The following SALL3 variants were observed in gnomAD, a reference collection of about 807,000 sequenced individuals.
SALL3 encodes spalt like transcription factor 3, also known as sal-like protein 3.
A neutral mutation model predicts 66.2 loss-of-function variants in SALL3; 25 were observed. That is an observed-to-expected ratio of 0.38 (90% confidence interval 0.28 to 0.53). The LOEUF is 0.53. SALL3 is among the 20% of genes least tolerant of loss of function. SALL3 has a pLI of 0.85. For missense variants in SALL3, 2,194 were observed against 1,916.5 expected, an observed-to-expected ratio of 1.14 and a Z score of -2.70; for synonymous variants, 1,152 against 899.1, an observed-to-expected ratio of 1.28 and a Z score of -5.03.
chr18:78,984,082 G>T (rs1259165650), intron 1 of SALL3, among the ~76,000 whole-genome samples: 3 of 152,154 alleles, frequency 2.0e-5, no homozygotes, highest in Non-Finnish European at 1.5e-5. Flanking sequence ...GCCAGAAAAA[G>T]GTATGGAGTA....
intron 1 of SALL3, among the ~76,000 whole-genome samples, chr18:78,988,719 A>C (rs998703676): frequency 3.3e-5 from 5 of 152,214 alleles, no homozygotes; most frequent in South Asian, 2.1e-4. Flanking sequence ...TCACATTCAA[A>C]TGTTGATAGT....
In SALL3 at chr18:78,993,699, C is replaced by T. The variant is rs1195542240; in HGVS notation, c.1708C>T (p.Leu570Phe). The T allele has an allele frequency of 1.9e-6, 3 of 1,573,464 alleles. No homozygotes were observed. The highest frequency in any genetic ancestry group is 1.8e-5 in the Admixed American group (1 of 56,224). The change falls in exon 2 of 3, where the codon CTC (leucine) becomes TTC (phenylalanine). Residue 570 changes from leucine to phenylalanine, a missense_variant. By Grantham distance (22) the Leu-to-Phe change is conservative. Transcript: ENST00000537592. ...CGAGTGCGCCTCCTTGTCCCCAGGC[C>T]TCAACCACGTGGAGTCCGGCGTGTC... ...SSECASLSPG[L>F]NHVESGVSAT...
Position 78,994,939 on chromosome 18 carries a change from GC to G in SALL3, c.2949del (p.Lys984SerfsTer37). The stretch of plus-strand genomic sequence containing the variant: ...CCCAGCACTGTGTGTGGTGTCTGTG[GC>G]AAGCCTTTTGCTTGCAAGAGCGCGT... ...KCPSTVCGVC[G>X]KPFACKSALE... is the part of the protein sequence containing the mutation. On this transcript the variant is annotated frameshift_variant, in exon 2 of 3. Transcript: ENST00000537592. LOFTEE classifies it high-confidence loss of function. 2 of 1,613,666 alleles carry G rather than the reference GC, an allele frequency of 1.2e-6. No individual in the cohort carries two copies. Among genetic ancestry groups the G allele is most frequent in the Non-Finnish European group, 1.7e-6 (2 of 1,179,992 alleles).
intron 2 of SALL3, among the ~76,000 whole-genome samples, chr18:78,996,636 G>A (rs892183768): frequency 6.6e-6 from 1 of 152,230 alleles, no homozygotes; most frequent in Non-Finnish European, 1.5e-5. Context: ...CACCTTAGGA[G>A]AAAATTACTC....
rs773984731 is a variant in SALL3, at chr18:78,994,432, C to A, written c.2441C>A (p.Ala814Glu). 2 of 1,612,116 alleles carry A rather than the reference C, an allele frequency of 1.2e-6. No homozygotes were observed. Among genetic ancestry groups the A allele is most frequent in the Non-Finnish European group, 1.7e-6 (2 of 1,179,834 alleles). The change falls in exon 2 of 3, where the codon GCG becomes GAG. Residue 814 changes from alanine (A) to glutamate (E), a missense_variant. Ala to Glu is a moderately radical substitution (Grantham distance 107). Coordinates refer to ENST00000537592, the MANE Select transcript of SALL3 (RefSeq NM_171999.4). ...GAGGACGACGCTGAGCTGAAGGACG[C>A]GGCCACCGACCCGGCCAAGCCACTC... ...SMEDDAELKD[A>E]ATDPAKPLLS... is the part of the protein sequence containing the mutation.
rs1001672231 is a variant in SALL3, at chr18:78,998,365, T to G, written c.*1043T>G. ...TGGGAAAACTGTTACAGTTCCTTGT[T>G]TTGTCTTATGGTCAAACAATATTAG... On this transcript the variant is annotated 3_prime_UTR_variant, in exon 3 of 3. Transcript: ENST00000537592. The G allele has an allele frequency of 1.3e-5, 2 of 152,230 alleles. No individual in the cohort carries two copies. The highest frequency in any genetic ancestry group is 2.9e-5 in the Non-Finnish European group (2 of 68,042). The allele number at this position is 152,230 out of a possible 1,614,324, so 9.4% of individuals were successfully genotyped here.
Position 78,996,891 on chromosome 18 carries a change from G to A in SALL3, c.3472G>A (p.Val1158Met). Residue 1158 changes from valine to methionine, a missense_variant and splice_region_variant, in exon 3 of 3, where the codon GTG (valine) becomes ATG (methionine). Transcript: ENST00000537592. ...TGGGCTGTCTCCGTGTCTCGCGCAG[G>A]TGCACATGGGGACACACATGTGGAA... ...RAFTTKGNLK[V>M]HMGTHMWNNA... The A allele has an allele frequency of 6.2e-7, 1 of 1,604,652 alleles. No homozygotes were observed. Among genetic ancestry groups the A allele is most frequent in the South Asian group, 1.1e-5 (1 of 90,668 alleles).
rs1914545644 is a variant in SALL3 at position 78,993,413 on chromosome 18, C to T, written c.1422C>T (p.Tyr474=). 7.4e-6 allele frequency: 12 copies of T among 1,612,772 alleles called. No homozygotes were observed. Among genetic ancestry groups the T allele is most frequent in the Non-Finnish European group, 1.0e-5 (12 of 1,179,940 alleles). The change falls in exon 2 of 3, where the codon TAC becomes TAT. Residue 474 remains tyrosine, a synonymous_variant. Transcript: ENST00000537592. The stretch of plus-strand genomic sequence containing the variant: ...ACTTCCAGAGGCACAAGGAGAAGTA[C>T]CCCCACATCCAGATGAACCCTTACC... ...KVHFQRHKEK[Y]PHIQMNPYPV...
Position 78,992,337 on chromosome 18 carries a change from G to A in SALL3, c.346G>A (p.Gly116Ser). The A allele has an allele frequency of 1.4e-6, 2 of 1,411,896 alleles. No homozygotes were observed. Among genetic ancestry groups the A allele is most frequent in the Non-Finnish European group, 1.8e-6 (2 of 1,091,492 alleles). 87.5% of individuals were successfully genotyped at this position (1,411,896 alleles called of 1,614,324 possible). A position where few individuals can be genotyped will look rare whatever the true frequency, so the allele number is the denominator to read the frequency against. ...CGAAAGCGAGGCGGCCGAGGAGGCG[G>A]GTGCGGAGGGCGCGGAGGGCGAGGC... is the stretch of plus-strand genomic sequence containing the variant. ...RAESEAAEEAGAEGAEGEARP... is the reference protein window; with the variant it reads ...RAESEAAEEASAEGAEGEARP... Residue 116 changes from glycine (G) to serine (S), a missense_variant, in exon 2 of 3, where the codon GGT becomes AGT. Gly to Ser is a moderately conservative substitution (Grantham distance 56). Coordinates refer to ENST00000537592, the MANE Select transcript of SALL3 (RefSeq NM_171999.4).
intron 1 of SALL3, among the ~76,000 whole-genome samples, chr18:78,986,200 G>A (rs752741290): frequency 3.3e-5 from 5 of 152,162 alleles, no homozygotes; most frequent in Non-Finnish European, 7.3e-5. Context: ...TCTCCTCCCG[G>A]GTGCTTCACT....
chr18:78,991,355 G>A (rs1914426562), intron 1 of SALL3, among the ~76,000 whole-genome samples: 1 of 121,452 alleles, frequency 8.2e-6, no homozygotes, highest in Admixed American at 1.1e-4. Context: ...ATGTAGAAGT[G>A]TACCCTATCT....
In SALL3 at chr18:78,993,644, C is replaced by T. The variant is rs777888154; in HGVS notation, c.1653C>T (p.Arg551=). 3.8e-6 allele frequency: 6 copies of T among 1,588,624 alleles called. No individual in the cohort carries two copies. The South Asian group carries it at 5.6e-5, about 15-fold the overall frequency. The stretch of plus-strand genomic sequence containing the variant: ...CTCCCAGCGCCACCCCAGCCAGCCG[C>T]TCCCCGCAGAGGCCCTCGCCCGCCT... ...ADSPSATPAS[R]SPQRPSPASS... is the part of the protein sequence containing the mutation. Residue 551 remains arginine, a synonymous_variant, in exon 2 of 3, where the codon CGC becomes CGT. Transcript: ENST00000537592.
chr18:78,989,878 G>T (rs957998893), intron 1 of SALL3, among the ~76,000 whole-genome samples: 4 of 152,194 alleles, frequency 2.6e-5, no homozygotes, highest in African/African-American at 7.2e-5. Flanking sequence ...TAATGCAGAT[G>T]AACTTTTTAA....
rs75631933 is a variant in SALL3, at chr18:78,994,848, C to T, written c.2857C>T (p.Arg953Cys). The T allele has an allele frequency of 5.3e-5, 84 of 1,599,220 alleles. 1 individual carries two copies. In the African/African-American group the frequency reaches 9.5e-4, roughly 18 times the overall value. ...CCCGGGCAGCGGAGGCGCCCCTGGC[C>T]GCGCGGGCATCAAGGAGGAGGCGCC... ...AAPGSGGAPG[R>C]AGIKEEAPFS... The change falls in exon 2 of 3, where the codon CGC (arginine) becomes TGC (cysteine). Residue 953 changes from arginine to cysteine, a missense_variant. Transcript: ENST00000537592.
chr18:78,996,866 T>C, intron 2 of SALL3, 25 bp from the exon 3 acceptor site: 1 of 1,581,364 alleles, frequency 6.3e-7, no homozygotes, highest in Non-Finnish European at 8.6e-7. Context: ...CACTTACTCG[T>C]GGGCTGTCTC....
rs1280168461 is a variant in SALL3 at position 78,992,931 on chromosome 18, C to G, written c.940C>G (p.Pro314Ala). ...GPAEPSAPAA[P>A]SAAPAPAAPA... ...TGCGGAGCCCAGCGCGCCCGCCGCC[C>G]CCAGCGCCGCCCCTGCCCCCGCTGC... Residue 314 changes from proline (P) to alanine (A), a missense_variant, in exon 2 of 3, where the codon CCC becomes GCC. Physicochemically the swap from Pro to Ala is conservative, Grantham distance 27 (BLOSUM62 -1). Coordinates refer to ENST00000537592, the MANE Select transcript of SALL3 (RefSeq NM_171999.4). The G allele has an allele frequency of 6.8e-6, 7 of 1,022,622 alleles. No individual in the cohort carries two copies. Among genetic ancestry groups the G allele is most frequent in the Non-Finnish European group, 8.2e-6 (7 of 855,212 alleles). 63.3% of individuals were successfully genotyped at this position (1,022,622 alleles called of 1,614,324 possible). A position where few individuals can be genotyped will look rare whatever the true frequency, so the allele number is the denominator to read the frequency against.
rs1037339039 is a variant in SALL3 at position 78,992,950 on chromosome 18, C to T, written c.959C>T (p.Pro320Leu). The change falls in exon 2 of 3, where the codon CCC becomes CTC. Residue 320 changes from proline to leucine, a missense_variant. Physicochemically the swap from Pro to Leu is moderately conservative, Grantham distance 98 (BLOSUM62 -3). Transcript: ENST00000537592. ...APAAPSAAPA[P>L]AAPAPAPAPQ... ...GCCGCCCCCAGCGCCGCCCCTGCCC[C>T]CGCTGCCCCCGCCCCGGCGCCAGCG... 7.7e-5 allele frequency: 87 copies of T among 1,123,710 alleles called. No homozygotes were observed. Among genetic ancestry groups the T allele is most frequent in the Middle Eastern group, 3.8e-4 (1 of 2,660 alleles). The allele number at this position is 1,123,710 out of a possible 1,614,324, so 69.6% of individuals were successfully genotyped here.
chr18:78,996,587 G>A (rs72985679), intron 2 of SALL3, among the ~76,000 whole-genome samples: 5,738 of 152,326 alleles, frequency 0.038, 152 homozygotes, highest in Non-Finnish European at 0.053. Context: ...CGGACCCTTC[G>A]AGCTCCAGAA....
chr18:78,996,195 C>A (rs928449375), intron 2 of SALL3, among the ~76,000 whole-genome samples: 14 of 152,196 alleles, frequency 9.2e-5, no homozygotes, highest in African/African-American at 3.4e-4. Context: ...TATGAGATCG[C>A]AGCAGCAGCG....
Sources: allele counts gnomAD v4.1 joint callset (sites outside exome capture counted in the v4.1 genomes callset), GRCh38; gene constraint gnomAD v4.1.1; transcripts MANE v1.5; gene names NCBI Gene and HGNC (gene_info 2026-07-23, HGNC 2026-07-21).